Variants in KCNT2 observed in about 807,000 individuals in gnomAD.
KCNT2 encodes the protein potassium channel subfamily T member 2.
In KCNT2, 67 loss-of-function variants were observed where a neutral mutation model predicts 153.8. The ratio of observed to expected loss-of-function variants is 0.44; its 90% CI spans 0.36 to 0.53. The LOEUF (loss-of-function observed/expected upper bound fraction) is 0.53, where lower values mean the gene tolerates loss of function less well. Ranked by LOEUF, KCNT2 falls within the 20% of genes least tolerant of loss-of-function variation. The probability of loss-of-function intolerance (pLI) is 0.00; values close to 1 mark genes in which losing one functional copy is unlikely to be tolerated. For synonymous variants in KCNT2, 500 were observed against 458.8 expected (o/e 1.09, Z -1.15); for missense variants, 975 against 1,354.8 (o/e 0.72, Z 4.40).
chr1:196,265,650 T>C (rs926045356), intron 25 of KCNT2, among the ~76,000 whole-genome samples: 1 of 152,158 alleles, frequency 6.6e-6, no homozygotes, highest in Non-Finnish European at 1.5e-5. Context: ...TGGTTGCTTG[T>C]ATGGAAGAAG....
At chr1:196,319,049 C>T (rs1331152407) in intron 20 of KCNT2, among the ~76,000 whole-genome samples, 1 of 151,540 alleles carries the variant, frequency 6.6e-6, no homozygotes, top group Non-Finnish European at 1.5e-5. Context: ...TGACATGTGA[C>T]CAAAGTAAAC....
chr1:196,588,925 T>C (rs1170544105), intron 1 of KCNT2, among the ~76,000 whole-genome samples: 3 of 151,904 alleles, frequency 2.0e-5, no homozygotes, highest in Non-Finnish European at 4.4e-5. Context: ...ATTTATTTAG[T>C]AAATGAAGAA....
intron 23 of KCNT2, among the ~76,000 whole-genome samples, chr1:196,284,248 A>AAAAAAAAAAAAAAAAAAAATATAT: frequency 1.0e-4 from 1 of 10,050 alleles, no homozygotes; most frequent in African/African-American, 1.4e-4. Context: ...AAAAAAAAAA[A>AAAAAAAAAAAAAAAAAAAATATAT]ATATATATAT....
At chr1:196,334,171 G>A in intron 16 of KCNT2, 111 bp from the exon 17 acceptor site, 1 of 651,070 alleles carries the variant, frequency 1.5e-6, no homozygotes, top group Non-Finnish European at 2.6e-6. Context: ...TATATATAGA[G>A]AGAGTATATA....
intron 1 of KCNT2, among the ~76,000 whole-genome samples, chr1:196,520,607 C>A (rs1393605266): frequency 2.0e-5 from 3 of 151,972 alleles, no homozygotes; most frequent in African/African-American, 7.2e-5. Context: ...GACACACAGA[C>A]CAATGAAACA....
At position 196,228,020 on chromosome 1, in the gene KCNT2, T is replaced by C. The variant is rs952817270; in HGVS notation, c.*204A>G. On this transcript the variant is annotated 3_prime_UTR_variant, in exon 28 of 28. Transcript: ENST00000294725. Reference sequence around the variant, plus strand: ...AATTTAGCTTTTCAAATTTATTCCATTGAGGTCCTTCAAATATTAATAGGG... The same window carrying C: ...AATTTAGCTTTTCAAATTTATTCCACTGAGGTCCTTCAAATATTAATAGGG... The C allele has an allele frequency of 1.0e-5, 4 of 386,002 alleles. No individual in the cohort carries two copies. The East Asian group carries it at 1.2e-4, about 12-fold the overall frequency. The allele number at this position is 386,002 out of a possible 1,614,324, so 23.9% of individuals were successfully genotyped here. A position where few individuals can be genotyped will look rare whatever the true frequency, so the allele number is the denominator to read the frequency against.
rs1285824588 is a variant in KCNT2, at chr1:196,555,261, C to T, written c.95+52954G>A. Among the ~76,000 whole-genome samples, 3 of 150,922 alleles carry T rather than the reference C, an allele frequency of 2.0e-5. No homozygotes were observed. In the Admixed American group the frequency reaches 2.0e-4, roughly 10 times the overall value. ...ATTACATTTGGAATAACCTAAAAGACTACACAGAAAACTATTAGAACTGTT... is the reference window on the plus strand; with the variant it reads ...ATTACATTTGGAATAACCTAAAAGATTACACAGAAAACTATTAGAACTGTT... On this transcript the variant is annotated intron_variant, in intron 1 of 27. Transcript: ENST00000294725.
At chr1:196,408,166 CT>C (rs1671988702) in intron 12 of KCNT2, among the ~76,000 whole-genome samples, 1 of 151,522 alleles carries the variant, frequency 6.6e-6, no homozygotes, top group African/African-American at 2.4e-5. Flanking sequence ...TCCACAAGCT[CT>C]TTTCACTACA....
intron 14 of KCNT2, among the ~76,000 whole-genome samples, chr1:196,355,810 T>C (rs1030292911): frequency 2.6e-5 from 4 of 151,764 alleles, no homozygotes; most frequent in Non-Finnish European, 2.9e-5. Flanking sequence ...ATTAAATAAG[T>C]TATATCTCAC....
At chr1:196,329,763 C>T (rs968383164) in intron 18 of KCNT2, among the ~76,000 whole-genome samples, 6 of 147,470 alleles carry the variant, frequency 4.1e-5, no homozygotes, top group Admixed American at 6.9e-5. Context: ...ATAATAAGGA[C>T]CGCATATATA....
At chr1:196,599,458 A>G (rs565652940) in intron 1 of KCNT2, among the ~76,000 whole-genome samples, 1 of 152,324 alleles carries the variant, frequency 6.6e-6, no homozygotes, top group South Asian at 2.1e-4. Flanking sequence ...CTTTATATGC[A>G]AAGTCCATTT....
intron 12 of KCNT2, among the ~76,000 whole-genome samples, chr1:196,417,199 A>G (rs925840488): frequency 5.9e-5 from 9 of 152,144 alleles, no homozygotes; most frequent in African/African-American, 2.2e-4. Flanking sequence ...AAAAGTACAT[A>G]TATAAAAAAC....
At chr1:196,362,917 T>C (rs566286459) in intron 14 of KCNT2, among the ~76,000 whole-genome samples, 201 of 152,188 alleles carry the variant, frequency 1.3e-3, no homozygotes, top group African/African-American at 3.4e-3. Context: ...GTCTCCCAGG[T>C]TCCTCCATGA....
At chr1:196,247,990 G>T (rs935054983) in intron 26 of KCNT2, among the ~76,000 whole-genome samples, 1 of 152,016 alleles carries the variant, frequency 6.6e-6, no homozygotes, top group African/African-American at 2.4e-5. Context: ...AAATCAACAA[G>T]AGAACTATGA....
chr1:196,326,073 A>G (rs966855335), intron 19 of KCNT2, among the ~76,000 whole-genome samples: 1 of 152,122 alleles, frequency 6.6e-6, no homozygotes, highest in Non-Finnish European at 1.5e-5. Flanking sequence ...ACAGAGACGG[A>G]TATTATAATT....
intron 1 of KCNT2, among the ~76,000 whole-genome samples, chr1:196,598,248 A>G (rs2149023620): frequency 6.6e-6 from 1 of 152,226 alleles, no homozygotes; most frequent in African/African-American, 2.4e-5. Context: ...TTTTCATATT[A>G]TCCATTGTGC....
intron 8 of KCNT2, among the ~76,000 whole-genome samples, chr1:196,450,981 T>C (rs1676110824): frequency 6.6e-6 from 1 of 151,732 alleles, no homozygotes; most frequent in South Asian, 2.1e-4. Flanking sequence ...ACACCCTACC[T>C]AAAAAAGGAG....
At chr1:196,276,190 A>G (rs756555821) in intron 25 of KCNT2, among the ~76,000 whole-genome samples, 8 of 151,980 alleles carry the variant, frequency 5.3e-5, no homozygotes, top group Non-Finnish European at 1.2e-4. Flanking sequence ...TCATCATCTC[A>G]AAATAGTTCA....
At chr1:196,413,753 C>T (rs958204751) in intron 12 of KCNT2, among the ~76,000 whole-genome samples, 1 of 151,632 alleles carries the variant, frequency 6.6e-6, no homozygotes, top group Non-Finnish European at 1.5e-5. Context: ...TGATTACCTA[C>T]TGTTTTTCTA....
Sources: allele counts gnomAD v4.1 joint callset (sites outside exome capture counted in the v4.1 genomes callset), GRCh38; gene constraint gnomAD v4.1.1; transcripts MANE v1.5; gene names NCBI Gene and HGNC (gene_info 2026-07-23, HGNC 2026-07-21).